ELAPOR1: variants seen among roughly 807,000 people sequenced by gnomAD.
ELAPOR1 encodes endosome/lysosome-associated apoptosis and autophagy regulator 1.
Under a neutral mutation model 119.7 loss-of-function variants are expected in ELAPOR1, and 77 were observed. That is an observed-to-expected ratio of 0.64 (90% CI 0.54 to 0.78). ELAPOR1 has a LOEUF of 0.78. Ranked by LOEUF, ELAPOR1 falls within the 30% of genes least tolerant of loss-of-function variation. The pLI is 0.00. For synonymous variants in ELAPOR1, 481 were observed against 487.2 expected (o/e 0.99, Z 0.17); for missense variants, 1,115 against 1,270.4 (o/e 0.88, Z 1.86).
At chr1:109,177,151 A>G (rs1214199054) in intron 7 of ELAPOR1, among the ~76,000 whole-genome samples, 1 of 149,910 alleles carries the variant, frequency 6.7e-6, no homozygotes, top group South Asian at 2.1e-4. Flanking sequence ...GTGGCCGGGC[A>G]GAGGGGCTCC....
Position 109,172,568 on chromosome 1 carries a change from T to A in ELAPOR1, c.696T>A (p.Ser232Arg), listed in dbSNP as rs1651988052. The A allele has an allele frequency of 6.2e-7, 1 of 1,610,222 alleles. No homozygotes were observed. The highest frequency in any genetic ancestry group is 1.3e-5 in the African/African-American group (1 of 74,558). ...KTTEKGWEFH[S>R]VELNRGNNVL... is the part of the protein sequence containing the mutation. ...CAGAGAAAGGATGGGAATTCCACAG[T>A]GTGAGTATCACACCAGCCTTCTCCC... Residue 232 changes from serine to arginine, a missense_variant and splice_region_variant, in exon 5 of 22, where the codon AGT (serine) becomes AGA (arginine). Coordinates refer to ENST00000369939, the MANE Select transcript of ELAPOR1 (RefSeq NM_020775.5).
At chr1:109,194,005 A>G (rs1653616301) in intron 14 of ELAPOR1, among the ~76,000 whole-genome samples, 1 of 152,182 alleles carries the variant, frequency 6.6e-6, no homozygotes, top group South Asian at 2.1e-4. Context: ...TGAGTTTTGC[A>G]CTGTGAGGGG....
Position 109,164,591 on chromosome 1 carries a change from C to T in ELAPOR1, c.367C>T (p.Arg123Trp), listed in dbSNP as rs891175710. The T allele has an allele frequency of 3.1e-6, 5 of 1,614,266 alleles. No individual in the cohort carries two copies. Among genetic ancestry groups the T allele is most frequent in the African/African-American group, 1.3e-5 (1 of 75,082 alleles). Residue 123 changes from arginine (R) to tryptophan (W), a missense_variant, in exon 3 of 22, where the codon CGG becomes TGG. Coordinates refer to ENST00000369939, the MANE Select transcript of ELAPOR1 (RefSeq NM_020775.5). ...EGRYSLGTGIRFDEWDELPHG... is the reference protein window; with the variant it reads ...EGRYSLGTGIWFDEWDELPHG... Reference sequence around the variant, plus strand: ...CCGCTACTCCCTCGGCACAGGCATTCGGTTTGATGAGTGGGATGAGCTGCC... The same window carrying T: ...CCGCTACTCCCTCGGCACAGGCATTTGGTTTGATGAGTGGGATGAGCTGCC...
rs565565311 is a variant in ELAPOR1, at chr1:109,186,617, T to C, written c.1041+1484T>C. ...GTGTCTTGTCAGTTGCACCTTAGAC[T>C]CAGTTCTGTGGTGTCTGGTATTCTG... On this transcript the variant is annotated intron_variant, in intron 8 of 21. Transcript: ENST00000369939. 2.5e-5 allele frequency: 25 copies of C among 985,468 alleles called. No homozygotes were observed. In the African/African-American group the frequency reaches 4.2e-4, roughly 16 times the overall value. 61.0% of individuals were successfully genotyped at this position (985,468 alleles called of 1,614,324 possible).
At chr1:109,175,039 T>C (rs1185451773) in intron 7 of ELAPOR1, among the ~76,000 whole-genome samples, 2 of 152,044 alleles carry the variant, frequency 1.3e-5, no homozygotes, top group Non-Finnish European at 2.9e-5. Context: ...TTTGTTGCTG[T>C]TGTAGAAACA....
At chr1:109,116,329 C>T (rs541398853) in intron 1 of ELAPOR1, among the ~76,000 whole-genome samples, 16 of 152,274 alleles carry the variant, frequency 1.1e-4, no homozygotes, top group East Asian at 9.6e-4. Flanking sequence ...TAACACCTAC[C>T]TCAGAAAGGA....
chr1:109,194,059 A>G (rs112861264), intron 14 of ELAPOR1, among the ~76,000 whole-genome samples: 86 of 152,260 alleles, frequency 5.6e-4, no homozygotes, highest in African/African-American at 1.9e-3. Context: ...CATCTCAGAT[A>G]CCCTTTTCTG....
At chr1:109,179,177 G>C (rs1439390856) in intron 7 of ELAPOR1, among the ~76,000 whole-genome samples, 2 of 151,808 alleles carry the variant, frequency 1.3e-5, no homozygotes, top group African/African-American at 4.8e-5. Flanking sequence ...AGGGCAGGTG[G>C]ATTGACTGAG....
chr1:109,116,759 C>T (rs1003412740), intron 1 of ELAPOR1, among the ~76,000 whole-genome samples: 6 of 147,250 alleles, frequency 4.1e-5, no homozygotes, highest in East Asian at 2.0e-4. Context: ...GGCATGATCT[C>T]GGCTCACTGC....
intron 7 of ELAPOR1, among the ~76,000 whole-genome samples, chr1:109,184,490 T>C (rs936231735): frequency 6.6e-5 from 10 of 152,130 alleles, no homozygotes; most frequent in Non-Finnish European, 1.3e-4. Flanking sequence ...AATGATTGCA[T>C]GAAGAAAAGG....
At chr1:109,150,134 G>C (rs1558033307) in intron 1 of ELAPOR1, among the ~76,000 whole-genome samples, 1 of 152,220 alleles carries the variant, frequency 6.6e-6, no homozygotes. Context: ...ACGTGGTCAA[G>C]GTCCTGCCTG....
intron 7 of ELAPOR1, among the ~76,000 whole-genome samples, chr1:109,177,897 G>T (rs992074610): frequency 6.6e-6 from 1 of 152,034 alleles, no homozygotes; most frequent in African/African-American, 2.4e-5. Flanking sequence ...TATCCAGAGT[G>T]CTGTTATAAA....
chr1:109,161,802 A>G, intron 1 of ELAPOR1, 92 bp from the exon 2 acceptor site: 1 of 1,462,878 alleles, frequency 6.8e-7, no homozygotes, highest in Non-Finnish European at 9.4e-7. Context: ...GAGGATGAGC[A>G]TCAGTAGCCA....
chr1:109,194,958 AAATTAGC>A (rs2101124481), intron 15 of ELAPOR1, among the ~76,000 whole-genome samples: 1 of 152,014 alleles, frequency 6.6e-6, no homozygotes, highest in African/African-American at 2.4e-5. Flanking sequence ...AAATACAAAA[AAATTAGC>A]TGGGCGTGGT....
chr1:109,129,593 A>G (rs17038458), intron 1 of ELAPOR1, among the ~76,000 whole-genome samples: 17,266 of 152,252 alleles, frequency 0.11, 1,485 homozygotes, highest in African/African-American at 0.24. Flanking sequence ...TTAAGGGAAC[A>G]AGTGGTTGCC....
chr1:109,202,855 T>C, intron 21 of ELAPOR1, 89 bp from the exon 22 acceptor site: 1 of 1,205,336 alleles, frequency 8.3e-7, no homozygotes, highest in Non-Finnish European at 1.2e-6. Context: ...TCATAAGGGT[T>C]CCTTCTGTCA....
chr1:109,202,087 G>C (rs539672456), intron 21 of ELAPOR1, among the ~76,000 whole-genome samples: 1 of 152,122 alleles, frequency 6.6e-6, no homozygotes, highest in African/African-American at 2.4e-5. Flanking sequence ...GCAACAGAGC[G>C]AGACCCTGTC....
chr1:109,154,612 G>A (rs966100211), intron 1 of ELAPOR1, among the ~76,000 whole-genome samples: 2 of 152,186 alleles, frequency 1.3e-5, no homozygotes, highest in Non-Finnish European at 2.9e-5. Context: ...CAGACAGTCT[G>A]GGCCATCCGT....
At chr1:109,154,589 T>A (rs1435525334) in intron 1 of ELAPOR1, among the ~76,000 whole-genome samples, 2 of 152,162 alleles carry the variant, frequency 1.3e-5, no homozygotes, top group Non-Finnish European at 2.9e-5. Context: ...GAGGCCCCAT[T>A]TGAGGGGCTT....
Sources: gnomAD v4.1 joint callset for allele counts (sites outside exome capture counted in the v4.1 genomes callset) on GRCh38, gnomAD v4.1.1 for gene constraint, MANE v1.5 for transcripts, NCBI Gene and HGNC (gene_info 2026-07-23, HGNC 2026-07-21) for gene names.